The following KCNH5 variants were observed in gnomAD, a reference collection of about 807,000 sequenced individuals.
KCNH5 encodes voltage-gated delayed rectifier potassium channel KCNH5.
Under a neutral mutation model 96.1 loss-of-function variants are expected in KCNH5, and 46 were observed. The observed-to-expected ratio is 0.48, with a 90% CI of 0.38 to 0.61. KCNH5 has a LOEUF of 0.61. Ranked by LOEUF, KCNH5 falls within the 20% of genes least tolerant of loss-of-function variation. The pLI, the probability that KCNH5 is intolerant of heterozygous loss-of-function variation, is 0.00. For missense variants in KCNH5, 907 were observed against 1,225.8 expected, an observed-to-expected ratio of 0.74 and a Z score of 3.88; for synonymous variants, 439 against 449.8, an observed-to-expected ratio of 0.98 and a Z score of 0.30.
chr14:62,859,055 T>C (rs1052570014), intron 7 of KCNH5, among the ~76,000 whole-genome samples: 2 of 152,118 alleles, frequency 1.3e-5, no homozygotes, highest in Non-Finnish European at 2.9e-5. Context: ...AGGCATTCCA[T>C]GAGTCCATGG....
intron 10 of KCNH5, among the ~76,000 whole-genome samples, chr14:62,757,740 T>A (rs1216703146): frequency 1.3e-5 from 2 of 152,140 alleles, no homozygotes; most frequent in African/African-American, 4.8e-5. Context: ...TTGTGGGAGC[T>A]GAAAGTTAAA....
intron 7 of KCNH5, among the ~76,000 whole-genome samples, chr14:62,935,174 A>C (rs1181554632): frequency 6.6e-6 from 1 of 152,218 alleles, no homozygotes; most frequent in Non-Finnish European, 1.5e-5. Context: ...TCACTGTATG[A>C]AAATTTAAAC....
intron 9 of KCNH5, among the ~76,000 whole-genome samples, chr14:62,793,215 T>A (rs1050582713): frequency 4.0e-5 from 6 of 151,796 alleles, no homozygotes; most frequent in African/African-American, 4.8e-5. Context: ...AAGTTTTAGA[T>A]ATCTGCTGTA....
chr14:62,786,697 T>C lies in KCNH5; in HGVS notation c.1823-6773A>G, dbSNP rs536910544. Among the ~76,000 whole-genome samples, 3 of 152,338 alleles carry C rather than the reference T, an allele frequency of 2.0e-5. No individual in the cohort carries two copies. The South Asian group carries it at 6.2e-4, about 32-fold the overall frequency. On this transcript the variant is annotated intron_variant, in intron 9 of 10. Transcript: ENST00000322893. ...GTCGAACAAGTCTATCGGTGTCATA[T>C]TTCTAACAGCATGTGATCATTTGAT...
At chr14:62,807,137 A>G (rs922780260) in intron 8 of KCNH5, among the ~76,000 whole-genome samples, 5 of 152,072 alleles carry the variant, frequency 3.3e-5, no homozygotes, top group Admixed American at 1.3e-4. Flanking sequence ...TATCATTTCT[A>G]TTACTCAGGG....
At position 62,848,315 on chromosome 14, in the gene KCNH5, C is replaced by CTGTA. The variant is rs1887738078; in HGVS notation, c.1569+1337_1569+1338insTACA. Among the ~76,000 whole-genome samples, 6 of 152,326 alleles carry CTGTA rather than the reference C, an allele frequency of 3.9e-5. No homozygotes were observed. In the South Asian group the frequency reaches 1.2e-3, roughly 32 times the overall value. ...GAAGATTCTGTTTCTTCTTTGGATA[C>CTGTA]TCTCTCTACTAACCATATATTGGCT... On this transcript the variant is annotated intron_variant, in intron 8 of 10. Transcript: ENST00000322893.
chr14:62,985,841 G>C (rs1890696821), intron 5 of KCNH5, among the ~76,000 whole-genome samples: 1 of 152,088 alleles, frequency 6.6e-6, no homozygotes, highest in Admixed American at 6.6e-5. Context: ...TTCCTATGGG[G>C]CTCTTCAAAC....
intron 8 of KCNH5, among the ~76,000 whole-genome samples, chr14:62,809,549 T>C (rs1019923298): frequency 6.6e-5 from 10 of 152,078 alleles, no homozygotes; most frequent in African/African-American, 1.7e-4. Context: ...ACTCAACTCA[T>C]AGGTATTTGA....
At chr14:62,764,718 C>T (rs1013964989) in intron 10 of KCNH5, among the ~76,000 whole-genome samples, 1 of 152,140 alleles carries the variant, frequency 6.6e-6, no homozygotes, top group Non-Finnish European at 1.5e-5. Context: ...TTTCTATATA[C>T]CAACAATGTC....
intron 4 of KCNH5, among the ~76,000 whole-genome samples, chr14:62,987,913 T>C (rs1279362711): frequency 6.6e-6 from 1 of 152,162 alleles, no homozygotes; most frequent in African/African-American, 2.4e-5. Flanking sequence ...AATCTTACTT[T>C]TTATGGTTCA....
At chr14:62,802,242 A>G (rs2139999800) in intron 9 of KCNH5, 87 bp downstream of exon 9, 1 of 1,381,180 alleles carries the variant, frequency 7.2e-7, no homozygotes, top group Non-Finnish European at 1.0e-6. Flanking sequence ...TACCAAACAA[A>G]GGAAATTTCT....
At chr14:62,711,704 C>T (rs1213273316) in intron 10 of KCNH5, among the ~76,000 whole-genome samples, 1 of 152,194 alleles carries the variant, frequency 6.6e-6, no homozygotes, top group Non-Finnish European at 1.5e-5. Context: ...TTGCCCTTCA[C>T]TTCCTTTATA....
chr14:63,012,630 T>C (rs1478557283), intron 2 of KCNH5, among the ~76,000 whole-genome samples: 2 of 151,966 alleles, frequency 1.3e-5, no homozygotes, highest in African/African-American at 4.8e-5. Context: ...TCCAAGTTGT[T>C]TGAGGTAGCA....
chr14:63,040,172 AATC>A, intron 1 of KCNH5, among the ~76,000 whole-genome samples: 1 of 152,264 alleles, frequency 6.6e-6, no homozygotes, highest in Non-Finnish European at 1.5e-5. Flanking sequence ...CAATTAAAAT[AATC>A]ATAACTACGC....
chr14:62,921,002 A>C (rs1234224096), intron 7 of KCNH5, among the ~76,000 whole-genome samples: 1 of 152,148 alleles, frequency 6.6e-6, no homozygotes, highest in African/African-American at 2.4e-5. Context: ...CAGCACAATT[A>C]ATTTGTCATT....
intron 7 of KCNH5, among the ~76,000 whole-genome samples, chr14:62,851,874 C>T (rs10483758): frequency 0.12 from 17,781 of 151,932 alleles, 1,355 homozygotes; most frequent in East Asian, 0.29. Flanking sequence ...TAACAAATTA[C>T]GACACATTTC....
At chr14:62,977,977 TG>T (rs1349147025) in intron 6 of KCNH5, among the ~76,000 whole-genome samples, 3 of 152,152 alleles carry the variant, frequency 2.0e-5, no homozygotes, top group Non-Finnish European at 4.4e-5. Context: ...GTTGCAGTTA[TG>T]GACAAGTTAT....
At position 62,849,699 on chromosome 14, in the gene KCNH5, T is replaced by TA; in HGVS notation, c.1522dup (p.Tyr508LeufsTer13). 6.2e-7 allele frequency: 1 copy of TA among 1,613,880 alleles called. No individual in the cohort carries two copies. Among genetic ancestry groups the TA allele is most frequent in the Non-Finnish European group, 8.5e-7 (1 of 1,179,840 alleles). On this transcript the variant is annotated frameshift_variant, in exon 8 of 11. Transcript: ENST00000322893. LOFTEE classifies it high-confidence loss of function. ...TGACATGGACCATGTTGAGACAATA[T>TA]AATCCATGACTCGCTCACTAAGGCC...
chr14:62,853,385 A>G (rs10150997), intron 7 of KCNH5, among the ~76,000 whole-genome samples: 15,042 of 147,734 alleles, frequency 0.1, 1,045 homozygotes, highest in East Asian at 0.3. Context: ...AGAGTCTAGT[A>G]GCGACTAGGT....
Sources: allele counts gnomAD v4.1 joint callset (sites outside exome capture counted in the v4.1 genomes callset), GRCh38; gene constraint gnomAD v4.1.1; transcripts MANE v1.5; gene names NCBI Gene and HGNC (gene_info 2026-07-23, HGNC 2026-07-21).